Variants in SULF2 observed in about 807,000 individuals in gnomAD.
SULF2 encodes the protein extracellular sulfatase Sulf-2.
Under a neutral mutation model 107.7 loss-of-function variants are expected in SULF2, and 52 were observed. The ratio of observed to expected loss-of-function variants is 0.48; its 90% CI spans 0.39 to 0.61. SULF2 has a LOEUF of 0.61. SULF2 is among the 20% of genes least tolerant of loss of function. The pLI is 0.00. For missense variants in SULF2, 993 were observed against 1,177.3 expected (o/e 0.84, Z 2.29); for synonymous variants, 460 against 464.3 (o/e 0.99, Z 0.12).
chr20:47,672,675 G>T, intron 10 of SULF2: 1 of 446,268 alleles, frequency 2.2e-6, no homozygotes, highest in Non-Finnish European at 3.0e-6. Context: ...GGCAGCTAGA[G>T]GAATCTTTTT....
chr20:47,756,388 T>C (rs528606239), intron 2 of SULF2, among the ~76,000 whole-genome samples: 3 of 152,346 alleles, frequency 2.0e-5, no homozygotes, highest in Non-Finnish European at 2.9e-5. Context: ...AAAAAAACTA[T>C]ACTTGTGATC....
intron 4 of SULF2, among the ~76,000 whole-genome samples, chr20:47,693,833 T>C (rs1195731270): frequency 6.6e-6 from 1 of 152,068 alleles, no homozygotes; most frequent in African/African-American, 2.4e-5. Context: ...TTTCAAAGTG[T>C]GTGGGGGGTG....
intron 3 of SULF2, among the ~76,000 whole-genome samples, chr20:47,729,076 A>C (rs1319661750): frequency 1.3e-5 from 2 of 152,238 alleles, no homozygotes; most frequent in Non-Finnish European, 2.9e-5. Flanking sequence ...GGGGTAGTCA[A>C]GGAAGGCTTC....
intron 10 of SULF2, among the ~76,000 whole-genome samples, chr20:47,673,140 C>G (rs529713756): frequency 3.3e-5 from 5 of 152,198 alleles, no homozygotes; most frequent in Non-Finnish European, 7.3e-5. Context: ...CTCCTGGATC[C>G]CCTCACGGGA....
At chr20:47,760,222 A>G (rs1261621968) in intron 1 of SULF2, among the ~76,000 whole-genome samples, 1 of 152,072 alleles carries the variant, frequency 6.6e-6, no homozygotes, top group Non-Finnish European at 1.5e-5. Flanking sequence ...TTTCTCCCCC[A>G]GCTCTGCTTG....
chr20:47,700,967 C>T (rs1203233397), intron 4 of SULF2, among the ~76,000 whole-genome samples: 2 of 152,184 alleles, frequency 1.3e-5, no homozygotes, highest in Non-Finnish European at 2.9e-5. Context: ...CTTAACACAT[C>T]CTATGTCCCA....
At chr20:47,721,444 C>A (rs2089294828) in intron 3 of SULF2, among the ~76,000 whole-genome samples, 1 of 151,950 alleles carries the variant, frequency 6.6e-6, no homozygotes, top group African/African-American at 2.4e-5. Context: ...TCTTGGCTCA[C>A]TGCAACCTCT....
intron 3 of SULF2, among the ~76,000 whole-genome samples, chr20:47,723,333 T>C (rs554473731): frequency 5.3e-5 from 8 of 151,562 alleles, no homozygotes; most frequent in Non-Finnish European, 8.8e-5. Context: ...CCGGGTGTCA[T>C]GGTCGAGAAT....
At chr20:47,731,816 T>C (rs187116683) in intron 3 of SULF2, among the ~76,000 whole-genome samples, 1 of 152,366 alleles carries the variant, frequency 6.6e-6, no homozygotes, top group Admixed American at 6.5e-5. Flanking sequence ...CCTGTTTTCC[T>C]ACATTCTCAC....
chr20:47,661,703 C>G, intron 18 of SULF2, 70 bp downstream of exon 18: 1 of 1,379,576 alleles, frequency 7.2e-7, no homozygotes, highest in South Asian at 1.9e-5. Context: ...TTGGGGTAGA[C>G]ACCACCTCCT....
Position 47,694,297 on chromosome 20 carries a change from C to T in SULF2, c.568-4002G>A, listed in dbSNP as rs548015946. On this transcript the variant is annotated intron_variant, in intron 4 of 20. Transcript: ENST00000688720. The surrounding 1 kb of genome is among the most constrained non-coding windows in gnomAD (Gnocchi z 4.4). ...ACAGCCACTGGGTGGATGTGGGGTG[C>T]GGGAGGGGCGGGTGACCCCCACCCC... Among the ~76,000 whole-genome samples the T allele has an allele frequency of 3.9e-4, 59 of 152,080 alleles. No homozygotes were observed. Among genetic ancestry groups the T allele is most frequent in the Non-Finnish European group, 2.4e-4 (16 of 67,952 alleles).
intron 10 of SULF2, among the ~76,000 whole-genome samples, chr20:47,675,361 G>A (rs890376943): frequency 6.6e-6 from 1 of 152,164 alleles, no homozygotes; most frequent in Non-Finnish European, 1.5e-5. Context: ...GCGGGGGGAC[G>A]CATTCATGCT....
chr20:47,752,255 C>T (rs576833151), intron 2 of SULF2, among the ~76,000 whole-genome samples: 1 of 152,252 alleles, frequency 6.6e-6, no homozygotes, highest in South Asian at 2.1e-4. Flanking sequence ...GCCAGGTATT[C>T]CTCACAAGAA....
intron 2 of SULF2, among the ~76,000 whole-genome samples, chr20:47,743,596 CA>C (rs2089940475): frequency 2.0e-5 from 3 of 152,206 alleles, no homozygotes; most frequent in South Asian, 4.1e-4. Context: ...AGGCATGAGC[CA>C]CCATGCCTGC....
chr20:47,735,565 G>A (rs1162166789), intron 3 of SULF2, among the ~76,000 whole-genome samples: 1 of 152,170 alleles, frequency 6.6e-6, no homozygotes, highest in Non-Finnish European at 1.5e-5. Flanking sequence ...GGTGGCCATG[G>A]TAACTTCTGA....
intron 4 of SULF2, among the ~76,000 whole-genome samples, chr20:47,695,440 G>A (rs2088342877): frequency 6.6e-6 from 1 of 152,096 alleles, no homozygotes; most frequent in African/African-American, 2.4e-5. Context: ...GAACTCCCCA[G>A]TTCCCCCTCC....
intron 2 of SULF2, among the ~76,000 whole-genome samples, chr20:47,751,988 C>G (rs1338953285): frequency 1.3e-5 from 2 of 152,220 alleles, no homozygotes; most frequent in Admixed American, 1.3e-4. Context: ...GGGTATGTAA[C>G]CATGCCAGGC....
In SULF2 at chr20:47,696,403, C is replaced by CG. The variant is rs869153051; in HGVS notation, c.568-6109_568-6108insC. Reference sequence around the variant, plus strand: ...CATTTGATTAGATTACTCCTTACCACCCCCCCACCCCCATAACCTTGGCTC... The same window carrying CG: ...CATTTGATTAGATTACTCCTTACCACGCCCCCCACCCCCATAACCTTGGCTC... On this transcript the variant is annotated intron_variant, in intron 4 of 20. Coordinates refer to ENST00000688720, the MANE Select transcript of SULF2 (RefSeq NM_001387048.1). 2.4e-3 allele frequency among the ~76,000 whole-genome samples: 21 copies of CG among 8,646 alleles called. 1 individual carries two copies. Among genetic ancestry groups the CG allele is most frequent in the African/African-American group, 9.8e-3 (21 of 2,140 alleles). 5.7% of individuals were successfully genotyped at this position (8,646 alleles called of 152,430 possible).
intron 1 of SULF2, among the ~76,000 whole-genome samples, chr20:47,763,973 G>T (rs921385381): frequency 6.6e-6 from 1 of 152,112 alleles, no homozygotes; most frequent in Non-Finnish European, 1.5e-5. Flanking sequence ...TCACCTCTCC[G>T]ACCTTATTGC....
Sources: allele counts gnomAD v4.1 joint callset (sites outside exome capture counted in the v4.1 genomes callset), GRCh38; gene constraint gnomAD v4.1.1; non-coding constraint Gnocchi (gnomAD v3.1); transcripts MANE v1.5; gene names NCBI Gene and HGNC (gene_info 2026-07-23, HGNC 2026-07-21).